Variants in ANK3 observed in about 807,000 individuals in gnomAD.
ANK3 encodes ankyrin 3.
A neutral mutation model predicts 370.9 loss-of-function variants in ANK3; 57 were observed. The ratio of observed to expected loss-of-function variants is 0.15; its 90% CI spans 0.12 to 0.19. The LOEUF (loss-of-function observed/expected upper bound fraction) is 0.19, where lower values mean the gene tolerates loss of function less well. Ranked by LOEUF, ANK3 falls within the 10% of genes least tolerant of loss-of-function variation. ANK3 has a pLI of 1.00. For synonymous variants in ANK3, 1,929 were observed against 1,946.3 expected, an observed-to-expected ratio of 0.99 and a Z score of 0.23; for missense variants, 4,439 against 5,302.1, an observed-to-expected ratio of 0.84 and a Z score of 5.06.
chr10:60,298,829 A>G (rs2043076814), intron 1 of ANK3, among the ~76,000 whole-genome samples: 1 of 152,210 alleles, frequency 6.6e-6, no homozygotes, highest in Non-Finnish European at 1.5e-5. Flanking sequence ...GACTCGTTAC[A>G]GCAAGCCTTA....
intron 7 of ANK3, among the ~76,000 whole-genome samples, chr10:60,256,513 A>T (rs1184002659): frequency 6.6e-6 from 1 of 152,146 alleles, no homozygotes; most frequent in Non-Finnish European, 1.5e-5. Flanking sequence ...TATATTCAGG[A>T]GGTATATGTG....
At chr10:60,044,427 C>G (rs1564583144) in intron 42 of ANK3, 1 of 747,984 alleles carries the variant, frequency 1.3e-6, no homozygotes, top group Admixed American at 6.4e-5. Context: ...CACACATGCT[C>G]TGGAATTTTA....
chr10:60,629,035 A>C (rs1029712098), intron 1 of ANK3, among the ~76,000 whole-genome samples: 5 of 152,046 alleles, frequency 3.3e-5, no homozygotes, highest in Non-Finnish European at 7.4e-5. Flanking sequence ...TGTTCTTTTG[A>C]AAAGCCACAT....
intron 25 of ANK3, among the ~76,000 whole-genome samples, chr10:60,122,569 T>C (rs1037298972): frequency 1.3e-5 from 2 of 152,272 alleles, no homozygotes; most frequent in African/African-American, 4.8e-5. Flanking sequence ...TTTGTGATCA[T>C]TAGCAGATTA....
chr10:60,694,600 C>T (rs1443836927), intron 1 of ANK3, among the ~76,000 whole-genome samples: 1 of 152,092 alleles, frequency 6.6e-6, no homozygotes, highest in Non-Finnish European at 1.5e-5. Context: ...ATTCAACATT[C>T]TTAAAGAAAA....
At chr10:60,077,979 T>C (rs2084225224) in intron 36 of ANK3, among the ~76,000 whole-genome samples, 1 of 152,178 alleles carries the variant, frequency 6.6e-6, no homozygotes, top group South Asian at 2.1e-4. Flanking sequence ...CACAAACACA[T>C]ACTTGGTCCT....
At chr10:60,129,923 A>G (rs1047107416) in intron 25 of ANK3, among the ~76,000 whole-genome samples, 1 of 152,204 alleles carries the variant, frequency 6.6e-6, no homozygotes, top group African/African-American at 2.4e-5. Flanking sequence ...TGGCTAACAG[A>G]ATTCTTTCAT....
intron 23 of ANK3, among the ~76,000 whole-genome samples, chr10:60,161,053 G>A (rs962589571): frequency 6.6e-6 from 1 of 152,090 alleles, no homozygotes; most frequent in Admixed American, 6.6e-5. Flanking sequence ...AATTAGACAT[G>A]AGAAAGAAAT....
At chr10:60,434,736 A>G (rs570221979) in intron 2 of ANK3, among the ~76,000 whole-genome samples, 5 of 152,344 alleles carry the variant, frequency 3.3e-5, no homozygotes, top group Admixed American at 3.3e-4. Context: ...TATTTAGTAC[A>G]GTGTATGCAT....
At chr10:60,307,133 C>A (rs1463793439) in intron 1 of ANK3, among the ~76,000 whole-genome samples, 1 of 152,164 alleles carries the variant, frequency 6.6e-6, no homozygotes, top group Non-Finnish European at 1.5e-5. Context: ...AAATAAAGTT[C>A]TATTGAAACA....
intron 2 of ANK3, among the ~76,000 whole-genome samples, chr10:60,412,368 C>T (rs2063577582): frequency 6.6e-6 from 1 of 152,136 alleles, no homozygotes; most frequent in Admixed American, 6.6e-5. Flanking sequence ...ACTGCTACAT[C>T]CATCTTCTCC....
At chr10:60,408,810 G>A (rs1014823232) in intron 2 of ANK3, among the ~76,000 whole-genome samples, 1 of 152,046 alleles carries the variant, frequency 6.6e-6, no homozygotes, top group Non-Finnish European at 1.5e-5. Context: ...TTGGGTTTTG[G>A]CTTTCTTTTC....
chr10:60,420,438 G>GCTTT (rs2063755082), intron 2 of ANK3, among the ~76,000 whole-genome samples: 1 of 152,028 alleles, frequency 6.6e-6, no homozygotes, highest in Non-Finnish European at 1.5e-5. Flanking sequence ...TCAGAAGAGA[G>GCTTT]AGAATGACCC....
chr10:60,717,526 CAT>C (rs974834568), intron 1 of ANK3, among the ~76,000 whole-genome samples: 40 of 152,152 alleles, frequency 2.6e-4, no homozygotes, highest in African/African-American at 8.9e-4. Context: ...TAATAATAAA[CAT>C]ATGTGAAATC....
intron 40 of ANK3, among the ~76,000 whole-genome samples, chr10:60,061,034 G>A (rs890081002): frequency 3.3e-5 from 5 of 152,304 alleles, no homozygotes; most frequent in South Asian, 2.1e-4. Flanking sequence ...AAAGTTCAAC[G>A]AAGAGGAGAG....
intron 1 of ANK3, among the ~76,000 whole-genome samples, chr10:60,306,428 C>CATATATATATATATATATATATAT (rs753175801): frequency 1.8e-5 from 2 of 112,038 alleles, no homozygotes; most frequent in African/African-American, 7.6e-5. Flanking sequence ...GGTGTATGTG[C>CATATATATATATATATATATATAT]ATATATATAT....
At chr10:60,610,338 C>A (rs901376314) in intron 2 of ANK3, among the ~76,000 whole-genome samples, 1 of 151,894 alleles carries the variant, frequency 6.6e-6, no homozygotes, top group South Asian at 2.1e-4. Context: ...ATGGTGAAAC[C>A]CTGTCTCTCT....
chr10:60,181,917 G>A (rs2096202373), intron 17 of ANK3, among the ~76,000 whole-genome samples: 1 of 152,124 alleles, frequency 6.6e-6, no homozygotes, highest in Admixed American at 6.5e-5. Context: ...AATGGAGTGA[G>A]CCTTGTATAC....
intron 4 of ANK3, among the ~76,000 whole-genome samples, chr10:60,276,359 A>G (rs925316494): frequency 4.6e-5 from 7 of 152,104 alleles, no homozygotes; most frequent in Non-Finnish European, 8.8e-5. Flanking sequence ...AGGTGACATC[A>G]TTGTTTGTTA....
Sources: allele counts gnomAD v4.1 joint callset (sites outside exome capture counted in the v4.1 genomes callset), GRCh38; gene constraint gnomAD v4.1.1; transcripts MANE v1.5; gene names NCBI Gene and HGNC (gene_info 2026-07-23, HGNC 2026-07-21).